PRKAR2B: variants seen among roughly 807,000 people sequenced by gnomAD.
PRKAR2B encodes protein kinase cAMP-dependent type II regulatory subunit beta.
PRKAR2B carries 14 observed loss-of-function variants against 49.9 expected under a neutral mutation model. That is an observed-to-expected ratio of 0.28 (90% CI 0.19 to 0.44). The LOEUF is 0.44. PRKAR2B is among the 20% of genes least tolerant of loss of function. The pLI is 1.00. For missense variants in PRKAR2B, 393 were observed against 537.9 expected (o/e 0.73, Z 2.67); for synonymous variants, 196 against 197.7 (o/e 0.99, Z 0.07).
At chr7:107,119,328 G>A (rs1795346612) in intron 2 of PRKAR2B, among the ~76,000 whole-genome samples, 1 of 152,196 alleles carries the variant, frequency 6.6e-6, no homozygotes, top group Admixed American at 6.5e-5. Flanking sequence ...AGCTTCATGG[G>A]CCCTGCACTC....
chr7:107,058,165 A>G (rs975134368), intron 1 of PRKAR2B, among the ~76,000 whole-genome samples: 1 of 152,156 alleles, frequency 6.6e-6, no homozygotes, highest in African/African-American at 2.4e-5. Flanking sequence ...ATGTGTGTGT[A>G]CACAGTCTCC....
chr7:107,109,263 A>G (rs745752386), intron 2 of PRKAR2B, among the ~76,000 whole-genome samples: 6 of 151,398 alleles, frequency 4.0e-5, no homozygotes, highest in East Asian at 3.9e-4. Flanking sequence ...TTTTGTTTTC[A>G]TTTTGTTTTT....
intron 2 of PRKAR2B, among the ~76,000 whole-genome samples, chr7:107,098,540 G>T (rs1355980655): frequency 6.6e-6 from 1 of 152,168 alleles, no homozygotes; most frequent in East Asian, 1.9e-4. Flanking sequence ...TCTCTTTCCT[G>T]CTTTGTTCTG....
chr7:107,121,987 G>A lies in PRKAR2B; in HGVS notation c.379G>A (p.Asp127Asn). The change falls in exon 3 of 11, where the codon GAT becomes AAT. Residue 127 changes from aspartate to asparagine, a missense_variant. Around this residue, in one of 2 missense-constraint regions of PRKAR2B, gnomAD observed 233 missense variants for 390.4 expected, o/e 0.60. Transcript: ENST00000265717. ...AEAYNPDEEEDDAESRIIHPK... is the reference protein window; with the variant it reads ...AEAYNPDEEENDAESRIIHPK... Reference sequence around the variant, plus strand: ...AGCTTATAATCCTGATGAAGAAGAAGATGATGCAGAGTCCAGGGTATGTAA... The same window carrying A: ...AGCTTATAATCCTGATGAAGAAGAAAATGATGCAGAGTCCAGGGTATGTAA... The A allele has an allele frequency of 6.3e-7, 1 of 1,597,916 alleles. No individual in the cohort carries two copies. The highest frequency in any genetic ancestry group is 2.2e-5 in the East Asian group (1 of 44,452).
intron 2 of PRKAR2B, among the ~76,000 whole-genome samples, chr7:107,093,560 G>A (rs945123577): frequency 8.7e-5 from 13 of 149,198 alleles, no homozygotes; most frequent in African/African-American, 2.0e-4. Flanking sequence ...TGTGTACAAC[G>A]TGCAGATTTG....
intron 1 of PRKAR2B, among the ~76,000 whole-genome samples, chr7:107,055,823 C>G (rs1470942265): frequency 2.0e-5 from 3 of 152,164 alleles, no homozygotes; most frequent in African/African-American, 7.2e-5. Flanking sequence ...AGTTTAATTA[C>G]ATCTCATTTG....
In PRKAR2B at chr7:107,122,055, A is replaced by G. The variant is rs766408922; in HGVS notation, c.396+51A>G. ...TTTTAAATTGATGCCCTTGTCATAT[A>G]TAAGGAAAATAATCATAGAAAAGAT... On this transcript the variant is annotated intron_variant, in intron 3 of 10. Transcript: ENST00000265717. 7 of 1,202,624 alleles carry G rather than the reference A, an allele frequency of 5.8e-6. No homozygotes were observed. The African/African-American group carries it at 6.2e-5, about 11-fold the overall frequency. 74.5% of individuals were successfully genotyped at this position (1,202,624 alleles called of 1,614,324 possible).
intron 3 of PRKAR2B, among the ~76,000 whole-genome samples, chr7:107,124,872 A>G (rs1327540794): frequency 1.3e-5 from 2 of 152,082 alleles, no homozygotes; most frequent in African/African-American, 4.8e-5. Flanking sequence ...TGAAAAATGC[A>G]CTATTTTCAG....
At chr7:107,101,348 A>G (rs1365613217) in intron 2 of PRKAR2B, among the ~76,000 whole-genome samples, 2 of 152,092 alleles carry the variant, frequency 1.3e-5, no homozygotes, top group Non-Finnish European at 2.9e-5. Flanking sequence ...GTTTGGGGGC[A>G]TATCCAAATT....
chr7:107,161,489 AC>A lies in PRKAR2B; in HGVS notation c.*1908del, dbSNP rs1181489684. The A allele has an allele frequency of 6.6e-6, 1 of 152,650 alleles. No individual in the cohort carries two copies. Among genetic ancestry groups the A allele is most frequent in the Non-Finnish European group, 1.5e-5 (1 of 68,034 alleles). The allele number at this position is 152,650 out of a possible 1,614,324, so 9.5% of individuals were successfully genotyped here. A position where few individuals can be genotyped will look rare whatever the true frequency, so the allele number is the denominator to read the frequency against. On this transcript the variant is annotated 3_prime_UTR_variant, in exon 11 of 11. Coordinates refer to ENST00000265717, the MANE Select transcript of PRKAR2B (RefSeq NM_002736.3). ...TTAAATTTTCCTTACAATAAAGCAC[AC>A]TTTTATAATAAAATACATGAATTAT...
At chr7:107,061,246 G>T (rs1359635262) in intron 1 of PRKAR2B, among the ~76,000 whole-genome samples, 1 of 151,874 alleles carries the variant, frequency 6.6e-6, no homozygotes, top group Non-Finnish European at 1.5e-5. Context: ...AAACTTTTAG[G>T]ATATGCTTCT....
intron 6 of PRKAR2B, among the ~76,000 whole-genome samples, chr7:107,148,611 T>C (rs760291398): frequency 6.6e-6 from 1 of 152,214 alleles, no homozygotes; most frequent in Non-Finnish European, 1.5e-5. Context: ...GCCTACTTTT[T>C]AAGGGTGACT....
chr7:107,044,969 T>C lies in PRKAR2B; in HGVS notation c.62T>C (p.Leu21Pro). 6.3e-7 allele frequency: 1 copy of C among 1,587,970 alleles called. No individual in the cohort carries two copies. The highest frequency in any genetic ancestry group is 8.5e-7 in the Non-Finnish European group (1 of 1,169,882). The part of the protein sequence containing the change: ...ELLQGFTVEV[L>P]RHQPADLLEF... ...CTGCAGGGCTTCACGGTGGAGGTGC[T>C]GAGGCACCAGCCCGCGGACCTGCTG... Residue 21 changes from leucine to proline, a missense_variant, in exon 1 of 11, where the codon CTG becomes CCG. This residue lies in a region of PRKAR2B where 160 missense variants were observed against 147.6 expected (regional missense o/e 1.08). Coordinates refer to ENST00000265717, the MANE Select transcript of PRKAR2B (RefSeq NM_002736.3).
At chr7:107,140,358 TC>T (rs1310766003) in intron 4 of PRKAR2B, among the ~76,000 whole-genome samples, 1 of 152,232 alleles carries the variant, frequency 6.6e-6, no homozygotes, top group African/African-American at 2.4e-5. Context: ...TCTTTTTTGT[TC>T]TGTTTTGATT....
chr7:107,116,688 T>C (rs555236781), intron 2 of PRKAR2B, among the ~76,000 whole-genome samples: 11 of 152,122 alleles, frequency 7.2e-5, no homozygotes, highest in Admixed American at 6.6e-4. Context: ...TGTGAACTTC[T>C]ATATTTTGGG....
chr7:107,138,355 G>A (rs558828047), intron 4 of PRKAR2B, among the ~76,000 whole-genome samples: 15 of 152,286 alleles, frequency 9.8e-5, no homozygotes, highest in African/African-American at 3.6e-4. Flanking sequence ...GATATGTGGA[G>A]TATGTCTATA....
chr7:107,130,059 C>T (rs1002048352), intron 4 of PRKAR2B, among the ~76,000 whole-genome samples: 8 of 152,132 alleles, frequency 5.3e-5, no homozygotes, highest in Admixed American at 2.0e-4. Context: ...TTACCCAGCT[C>T]CTATTCAAGA....
chr7:107,135,598 A>G (rs1795683847), intron 4 of PRKAR2B, among the ~76,000 whole-genome samples: 1 of 152,214 alleles, frequency 6.6e-6, no homozygotes, highest in South Asian at 2.1e-4. Context: ...GGAATTTGAA[A>G]TTAAAAATAC....
chr7:107,153,984 A>G (rs1796034409), intron 8 of PRKAR2B, among the ~76,000 whole-genome samples: 1 of 152,236 alleles, frequency 6.6e-6, no homozygotes, highest in Non-Finnish European at 1.5e-5. Context: ...TATGGGAAAC[A>G]AGATTCAAGG....
Sources: gnomAD v4.1 joint callset for allele counts (sites outside exome capture counted in the v4.1 genomes callset) on GRCh38, gnomAD v4.1.1 for gene constraint, gnomAD v4.1.1 regional missense constraint, MANE v1.5 for transcripts, NCBI Gene and HGNC (gene_info 2026-07-23, HGNC 2026-07-21) for gene names.